Variants in PKHD1 observed in about 807,000 individuals in gnomAD.
PKHD1 encodes fibrocystin.
Under a neutral mutation model 412.0 loss-of-function variants are expected in PKHD1, and 291 were observed. That is an observed-to-expected ratio of 0.71 (90% confidence interval 0.64 to 0.78). The LOEUF (loss-of-function observed/expected upper bound fraction) is 0.78, where lower values mean the gene tolerates loss of function less well. Among genes scored for constraint, PKHD1 ranks in the 30% least tolerant of loss-of-function variants. The pLI is 0.00. For synonymous variants in PKHD1, 1,777 were observed against 1,821.5 expected, an observed-to-expected ratio of 0.98 and a Z score of 0.62; for missense variants, 4,825 against 4,950.7, an observed-to-expected ratio of 0.97 and a Z score of 0.76.
chr6:51,835,687 G>C (rs1769082062), intron 51 of PKHD1, among the ~76,000 whole-genome samples: 2 of 152,148 alleles, frequency 1.3e-5, no homozygotes, highest in Non-Finnish European at 2.9e-5. Context: ...AATAAGCATG[G>C]AGTAGTAACC....
At chr6:52,022,740 C>T in intron 33 of PKHD1, 61 bp downstream of exon 33, 1 of 1,553,062 alleles carries the variant, frequency 6.4e-7, no homozygotes, top group Non-Finnish European at 8.9e-7. Flanking sequence ...ATAGAATTAA[C>T]CAAAGAATAT....
chr6:51,826,995 A>G (rs1767423849), intron 52 of PKHD1, among the ~76,000 whole-genome samples: 1 of 152,178 alleles, frequency 6.6e-6, no homozygotes, highest in Non-Finnish European at 1.5e-5. Context: ...AATGTTCTAC[A>G]CGTTTCCTTT....
chr6:51,807,767 A>G (rs1764075476), intron 52 of PKHD1, among the ~76,000 whole-genome samples: 1 of 152,038 alleles, frequency 6.6e-6, no homozygotes, highest in Non-Finnish European at 1.5e-5. Flanking sequence ...TCGAATAGAG[A>G]CTAGTTCTAT....
intron 52 of PKHD1, among the ~76,000 whole-genome samples, chr6:51,807,809 T>C (rs986442549): frequency 2.8e-4 from 42 of 152,080 alleles, no homozygotes; most frequent in African/African-American, 8.9e-4. Context: ...GAGAACATCA[T>C]GCAGGGTGAG....
chr6:51,848,302 A>T (rs984117195), intron 49 of PKHD1, among the ~76,000 whole-genome samples: 1 of 152,230 alleles, frequency 6.6e-6, no homozygotes, highest in African/African-American at 2.4e-5. Context: ...AACAGCTAGA[A>T]GAGACAAGGC....
At chr6:52,041,109 A>G (rs1804803433) in intron 27 of PKHD1, among the ~76,000 whole-genome samples, 1 of 152,252 alleles carries the variant, frequency 6.6e-6, no homozygotes, top group Non-Finnish European at 1.5e-5. Flanking sequence ...AAGTATGTAA[A>G]GCAAAGCCAA....
Position 51,868,117 on chromosome 6 carries a change from T to C in PKHD1, c.7487-8A>G, listed in dbSNP as rs1775382323. On this transcript the variant is annotated splice_region_variant and splice_polypyrimidine_tract_variant and intron_variant, in intron 47 of 66. Coordinates refer to ENST00000371117, the MANE Select transcript of PKHD1 (RefSeq NM_138694.4). The stretch of plus-strand genomic sequence containing the variant: ...TCTTCACAGTAAATCCACCTATAAA[T>C]TGGAAAACAGAAAGATTATTACACA... 1.2e-6 allele frequency: 2 copies of C among 1,609,044 alleles called. No individual in the cohort carries two copies. Among genetic ancestry groups the C allele is most frequent in the East Asian group, 2.2e-5 (1 of 44,846 alleles).
At chr6:51,638,578 G>T (rs1186885767) in intron 64 of PKHD1, among the ~76,000 whole-genome samples, 1 of 151,700 alleles carries the variant, frequency 6.6e-6, no homozygotes, top group Non-Finnish European at 1.5e-5. Flanking sequence ...GTAAATTAAA[G>T]AAAAAAACAA....
rs554642729 is a variant in PKHD1 at position 51,926,832 on chromosome 6, C to A, written c.6121+7278G>T. On this transcript the variant is annotated intron_variant, in intron 37 of 66. Coordinates refer to ENST00000371117, the MANE Select transcript of PKHD1 (RefSeq NM_138694.4). ...ATTGTTAGACAGAACAGAAAAAAAA[C>A]CTTATTTTTTGTTGGTGGTGTTGGT... Among the ~76,000 whole-genome samples, 19 of 152,142 alleles carry A rather than the reference C, an allele frequency of 1.2e-4. No individual in the cohort carries two copies. The East Asian group carries it at 1.4e-3, about 11-fold the overall frequency.
At chr6:51,963,678 C>A (rs1483823268) in intron 35 of PKHD1, among the ~76,000 whole-genome samples, 1 of 152,030 alleles carries the variant, frequency 6.6e-6, no homozygotes, top group Admixed American at 6.6e-5. Flanking sequence ...GGATGGCTCA[C>A]CTTCCAACAT....
chr6:51,647,499 G>C (rs145922800), intron 63 of PKHD1, among the ~76,000 whole-genome samples: 54 of 152,310 alleles, frequency 3.5e-4, no homozygotes, highest in African/African-American at 1.2e-3. Flanking sequence ...GAAGACAAAA[G>C]AGGGTAGACA....
chr6:51,742,081 G>T (rs1405239973), intron 60 of PKHD1, among the ~76,000 whole-genome samples: 1 of 152,110 alleles, frequency 6.6e-6, no homozygotes, highest in Non-Finnish European at 1.5e-5. Flanking sequence ...GTAGATCTAG[G>T]GGTAAATAGG....
chr6:51,761,102 T>C (rs1230400267), intron 55 of PKHD1, among the ~76,000 whole-genome samples: 1 of 152,088 alleles, frequency 6.6e-6, no homozygotes, highest in Non-Finnish European at 1.5e-5. Flanking sequence ...ATGAAATCAG[T>C]ATGTCTGAGA....
chr6:51,931,953 G>A (rs3857602), intron 37 of PKHD1, among the ~76,000 whole-genome samples: 53,918 of 149,022 alleles, frequency 0.36, 10,557 homozygotes, highest in East Asian at 0.72. Context: ...AAGGGAGGAA[G>A]CATGGAGAGA....
intron 52 of PKHD1, among the ~76,000 whole-genome samples, chr6:51,813,379 G>A (rs1764984191): frequency 6.6e-6 from 1 of 152,076 alleles, no homozygotes; most frequent in Non-Finnish European, 1.5e-5. Flanking sequence ...GTACATTGTT[G>A]CTAGTACTAC....
At chr6:51,718,208 A>C (rs1465616722) in intron 60 of PKHD1, among the ~76,000 whole-genome samples, 1 of 152,216 alleles carries the variant, frequency 6.6e-6, no homozygotes, top group African/African-American at 2.4e-5. Context: ...GGGAAAAAGC[A>C]CTTCCCTTAT....
chr6:51,861,485 ATTG>A (rs1181468479), intron 48 of PKHD1, among the ~76,000 whole-genome samples: 1 of 152,150 alleles, frequency 6.6e-6, no homozygotes, highest in East Asian at 1.9e-4. Flanking sequence ...CTAACCTCAA[ATTG>A]TGTTGCAAAC....
chr6:51,911,969 A>G lies in PKHD1; in HGVS notation c.6333-13T>C, dbSNP rs932616052. 1.2e-6 allele frequency: 2 copies of G among 1,601,500 alleles called. No homozygotes were observed. Reference sequence around the variant, plus strand: ...GTTGTGAGAATATCTGGAGAAAAAAAGAGGATGATAGAACTGAGGACATCA... The same window carrying G: ...GTTGTGAGAATATCTGGAGAAAAAAGGAGGATGATAGAACTGAGGACATCA... On this transcript the variant is annotated splice_polypyrimidine_tract_variant and intron_variant, in intron 38 of 66. Coordinates refer to ENST00000371117, the MANE Select transcript of PKHD1 (RefSeq NM_138694.4).
rs560188818 is a variant in PKHD1 at position 51,755,579 on chromosome 6, A to G, written c.8643-641T>C. Among the ~76,000 whole-genome samples the G allele has an allele frequency of 2.6e-5, 4 of 152,284 alleles. 1 individual carries two copies. The South Asian group carries it at 8.3e-4, about 32-fold the overall frequency. ...GTGTTCATTTTTGGTATTTTTCAAG[A>G]CACACATTTAATACAGTTTCTGTTC... On this transcript the variant is annotated intron_variant, in intron 55 of 66. Transcript: ENST00000371117.
Sources: gnomAD v4.1 joint callset for allele counts (sites outside exome capture counted in the v4.1 genomes callset) on GRCh38, gnomAD v4.1.1 for gene constraint, MANE v1.5 for transcripts, NCBI Gene and HGNC (gene_info 2026-07-23, HGNC 2026-07-21) for gene names.